The following EYA3 variants were observed in gnomAD, a reference collection of about 807,000 sequenced individuals.
The protein encoded by EYA3 is protein phosphatase EYA3.
EYA3 carries 39 observed loss-of-function variants against 80.0 expected under a neutral mutation model. The ratio of observed to expected loss-of-function variants is 0.49; its 90% CI spans 0.38 to 0.64. The LOEUF is 0.64. Among genes scored for constraint, EYA3 ranks in the 30% least tolerant of loss-of-function variants. EYA3 has a pLI of 0.00. For missense variants in EYA3, 523 were observed against 676.1 expected (o/e 0.77, Z 2.51); for synonymous variants, 206 against 232.8 (o/e 0.88, Z 1.05).
chr1:27,989,150 T>G (rs936028543), intron 15 of EYA3, among the ~76,000 whole-genome samples: 4 of 152,248 alleles, frequency 2.6e-5, no homozygotes, highest in African/African-American at 9.6e-5. Context: ...ATCCACTCCT[T>G]GGTGTCAGCT....
intron 1 of EYA3, among the ~76,000 whole-genome samples, chr1:28,065,871 C>T (rs1359517429): frequency 3.3e-5 from 5 of 151,802 alleles, no homozygotes; most frequent in South Asian, 4.2e-4. Flanking sequence ...GGCATGGTGG[C>T]GCATGCCTGT....
At position 28,013,924 on chromosome 1, in the gene EYA3, G is replaced by C; in HGVS notation, c.586-630C>G. On this transcript the variant is annotated intron_variant, in intron 8 of 17. Coordinates refer to ENST00000373871, the MANE Select transcript of EYA3 (RefSeq NM_001990.4). The surrounding 1 kb of genome is among the most constrained non-coding windows in gnomAD (Gnocchi z 4.0). Reference sequence around the variant, plus strand: ...CTAAAAATACAAAAATTAGCCTGGCGTGGTGGCACATGCCTGAAATCCCAG... The same window carrying C: ...CTAAAAATACAAAAATTAGCCTGGCCTGGTGGCACATGCCTGAAATCCCAG... Among the ~76,000 whole-genome samples, 3 of 152,100 alleles carry C rather than the reference G, an allele frequency of 2.0e-5. No homozygotes were observed. The South Asian group carries it at 6.2e-4, about 32-fold the overall frequency.
intron 14 of EYA3, among the ~76,000 whole-genome samples, chr1:27,991,760 A>T (rs1640081756): frequency 6.6e-6 from 1 of 152,236 alleles, no homozygotes; most frequent in Non-Finnish European, 1.5e-5. Flanking sequence ...ATATTGTACA[A>T]AACATACAGC....
At chr1:28,074,859 T>C (rs550553769) in intron 1 of EYA3, among the ~76,000 whole-genome samples, 23 of 152,350 alleles carry the variant, frequency 1.5e-4, no homozygotes, top group African/African-American at 5.3e-4. Context: ...GTTATTACTG[T>C]TTACTGTTGT....
chr1:28,061,685 C>A (rs1471313317), intron 1 of EYA3, among the ~76,000 whole-genome samples: 1 of 151,886 alleles, frequency 6.6e-6, no homozygotes, highest in Non-Finnish European at 1.5e-5. Context: ...CTGCAAGCTC[C>A]GCCTCCCAGG....
intron 2 of EYA3, among the ~76,000 whole-genome samples, chr1:28,055,564 G>T (rs2148894067): frequency 6.7e-6 from 1 of 149,452 alleles, no homozygotes; most frequent in South Asian, 2.1e-4. Flanking sequence ...TCCACCTCCT[G>T]GGTTCAAGCG....
intron 2 of EYA3, among the ~76,000 whole-genome samples, chr1:28,057,029 A>G (rs562792979): frequency 6.6e-6 from 1 of 152,306 alleles, no homozygotes; most frequent in South Asian, 2.1e-4. Flanking sequence ...AAATGTTTCA[A>G]AAGGTCTTTT....
At chr1:27,990,239 G>T in intron 14 of EYA3, 1 of 181,180 alleles carries the variant, frequency 5.5e-6, no homozygotes. Flanking sequence ...CTTGGTGGTG[G>T]AGGCACAGGC....
chr1:27,978,963 A>G (rs2148703153), intron 16 of EYA3, among the ~76,000 whole-genome samples: 1 of 152,256 alleles, frequency 6.6e-6, no homozygotes, highest in East Asian at 1.9e-4. Context: ...CTCTGTCTCA[A>G]AACAAACAAA....
intron 10 of EYA3, among the ~76,000 whole-genome samples, chr1:28,004,644 A>G (rs1641138471): frequency 6.6e-6 from 1 of 152,090 alleles, no homozygotes; most frequent in South Asian, 2.1e-4. Flanking sequence ...AATACAGTGA[A>G]AGCAGTGCTA....
At chr1:28,031,114 A>G (rs1191980029) in intron 6 of EYA3, among the ~76,000 whole-genome samples, 1 of 152,232 alleles carries the variant, frequency 6.6e-6, no homozygotes, top group East Asian at 1.9e-4. Flanking sequence ...AATGTCCAAA[A>G]TAAGTAGGAG....
chr1:28,048,468 GT>G, intron 2 of EYA3, 42 bp from the exon 3 acceptor site: 1 of 1,520,344 alleles, frequency 6.6e-7, no homozygotes, highest in Non-Finnish European at 9.1e-7. Flanking sequence ...TACTTGATCT[GT>G]TTTTTAAATC....
At chr1:28,005,865 G>A (rs1356586830) in intron 10 of EYA3, among the ~76,000 whole-genome samples, 1 of 152,110 alleles carries the variant, frequency 6.6e-6, no homozygotes, top group Non-Finnish European at 1.5e-5. Flanking sequence ...AGCACTTTGT[G>A]AGGCCAAGGC....
intron 3 of EYA3, among the ~76,000 whole-genome samples, chr1:28,045,054 A>T (rs957495145): frequency 6.6e-6 from 1 of 152,214 alleles, no homozygotes; most frequent in African/African-American, 2.4e-5. Context: ...TACAGGTGTG[A>T]GCCACAGTGT....
chr1:28,073,120 TATA>T (rs1645079238), intron 1 of EYA3, among the ~76,000 whole-genome samples: 2 of 54,054 alleles, frequency 3.7e-5, no homozygotes, highest in African/African-American at 1.9e-4. Flanking sequence ...TATATATATA[TATA>T]TATATTTTTT....
chr1:28,085,931 G>A lies in EYA3; in HGVS notation c.-69+2593C>T, dbSNP rs374482415. ...CCAAAGTCATTTTAGAAGAACAAAAGACTCCTAAAACTTTTCAACTTCTAC... is the reference window on the plus strand; with the variant it reads ...CCAAAGTCATTTTAGAAGAACAAAAAACTCCTAAAACTTTTCAACTTCTAC... On this transcript the variant is annotated intron_variant, in intron 1 of 17. Transcript: ENST00000373871. 2.0e-5 allele frequency among the ~76,000 whole-genome samples: 3 copies of A among 152,142 alleles called. No homozygotes were observed. In the South Asian group the frequency reaches 6.2e-4, roughly 31 times the overall value.
intron 2 of EYA3, among the ~76,000 whole-genome samples, chr1:28,054,898 T>G (rs1424992716): frequency 6.6e-6 from 1 of 152,172 alleles, no homozygotes; most frequent in Non-Finnish European, 1.5e-5. Flanking sequence ...TTTGTTTGTT[T>G]TAATTTAAAG....
chr1:28,011,720 G>C (rs1641711081), intron 9 of EYA3, among the ~76,000 whole-genome samples: 2 of 152,056 alleles, frequency 1.3e-5, no homozygotes, highest in South Asian at 2.1e-4. Flanking sequence ...AACTACAAGG[G>C]GGAGAAAAAG....
At chr1:28,012,441 C>T (rs547030798) in intron 9 of EYA3, among the ~76,000 whole-genome samples, 1 of 152,298 alleles carries the variant, frequency 6.6e-6, no homozygotes, top group South Asian at 2.1e-4. Context: ...TTATATAGTA[C>T]TGTTTCTAAA....
Sources: allele counts gnomAD v4.1 joint callset (sites outside exome capture counted in the v4.1 genomes callset), GRCh38; gene constraint gnomAD v4.1.1; non-coding constraint Gnocchi (gnomAD v3.1); transcripts MANE v1.5; gene names NCBI Gene and HGNC (gene_info 2026-07-23, HGNC 2026-07-21).